VGLL4: variants seen among roughly 807,000 people sequenced by gnomAD.
The protein encoded by VGLL4 is transcription cofactor vestigial-like protein 4.
Under a neutral mutation model 21.0 loss-of-function variants are expected in VGLL4, and 7 were observed. That is an observed-to-expected ratio of 0.33 (90% CI 0.19 to 0.63). VGLL4 has a LOEUF of 0.63. Among genes scored for constraint, VGLL4 ranks in the 20% least tolerant of loss-of-function variants. The pLI is 0.78. For synonymous variants in VGLL4, 222 were observed against 173.2 expected (o/e 1.28, Z -2.21); for missense variants, 394 against 425.7 (o/e 0.93, Z 0.66).
intron 1 of VGLL4, 58 bp from the exon 2 acceptor site, chr3:11,602,080 C>T (rs2125267500): frequency 3.5e-6 from 5 of 1,419,864 alleles, no homozygotes; most frequent in Non-Finnish European, 4.6e-6. Context: ...ATCTCAGTCC[C>T]CCAGGCTCCC....
At chr3:11,671,107 C>T (rs1438751160) in intron 2 of VGLL4, among the ~76,000 whole-genome samples, 1 of 152,192 alleles carries the variant, frequency 6.6e-6, no homozygotes, top group African/African-American at 2.4e-5. Flanking sequence ...CTTAAGACCA[C>T]AGTCAGGACT....
At chr3:11,613,798 T>C (rs1475539655) in intron 1 of VGLL4, among the ~76,000 whole-genome samples, 2 of 152,212 alleles carry the variant, frequency 1.3e-5, no homozygotes, top group African/African-American at 4.8e-5. Context: ...TTGGATTCCA[T>C]CTGTTGGTGC....
chr3:11,628,121 G>C (rs1037761220), intron 1 of VGLL4, among the ~76,000 whole-genome samples: 3 of 152,160 alleles, frequency 2.0e-5, no homozygotes, highest in Non-Finnish European at 2.9e-5. Flanking sequence ...CAGCATGGTG[G>C]CTCATGCCTA....
At chr3:11,596,273 A>G (rs1252286620) in intron 2 of VGLL4, among the ~76,000 whole-genome samples, 1 of 152,248 alleles carries the variant, frequency 6.6e-6, no homozygotes, top group Non-Finnish European at 1.5e-5. Context: ...ACCTAACAAT[A>G]TATTTCAAAT....
At chr3:11,595,241 A>G (rs2074607877) in intron 2 of VGLL4, among the ~76,000 whole-genome samples, 1 of 152,262 alleles carries the variant, frequency 6.6e-6, no homozygotes, top group African/African-American at 2.4e-5. Context: ...CACATGTAAG[A>G]AAGAAGGGGA....
At chr3:11,577,785 A>C (rs116769632) in intron 2 of VGLL4, among the ~76,000 whole-genome samples, 2,908 of 152,172 alleles carry the variant, frequency 0.019, 95 homozygotes, top group African/African-American at 0.066. Flanking sequence ...TAATGAATGA[A>C]CTCTGCCTTC....
Position 11,604,314 on chromosome 3 carries a change from C to T in VGLL4, c.83-2292G>A, listed in dbSNP as rs570431945. 2.6e-5 allele frequency: 23 copies of T among 879,496 alleles called. 4 individuals carry two copies. The African/African-American group carries it at 3.6e-4, about 14-fold the overall frequency. 54.5% of individuals were successfully genotyped at this position (879,496 alleles called of 1,614,324 possible). On this transcript the variant is annotated intron_variant, in intron 1 of 4. Coordinates refer to ENST00000430365, the MANE Select transcript of VGLL4 (RefSeq NM_001128219.3). The stretch of plus-strand genomic sequence containing the variant: ...GACGAAGCTGTGCCCCAAAACATAG[C>T]GTGACTTACCCAAGATCCTCCAGTT...
chr3:11,632,874 G>A (rs982177326), intron 1 of VGLL4, among the ~76,000 whole-genome samples: 1 of 152,156 alleles, frequency 6.6e-6, no homozygotes, highest in African/African-American at 2.4e-5. Flanking sequence ...CACATAATGG[G>A]TATTAAATAT....
chr3:11,570,946 A>T (rs2073750461), intron 2 of VGLL4, among the ~76,000 whole-genome samples: 2 of 152,142 alleles, frequency 1.3e-5, no homozygotes. Context: ...TGTCCCCAAG[A>T]CATCCTGGTC....
chr3:11,688,790 G>A (rs913201258), intron 2 of VGLL4, among the ~76,000 whole-genome samples: 4 of 152,084 alleles, frequency 2.6e-5, no homozygotes, highest in Admixed American at 1.3e-4. Context: ...AGGCCGAGGC[G>A]GGTGGATCAC....
chr3:11,628,054 A>C (rs115265387), intron 1 of VGLL4, among the ~76,000 whole-genome samples: 1,554 of 152,252 alleles, frequency 0.01, 27 homozygotes, highest in African/African-American at 0.035. Context: ...GAATACAAGA[A>C]CTACACTGAC....
At chr3:11,660,161 CAAA>C (rs527661591) in intron 2 of VGLL4, among the ~76,000 whole-genome samples, 1 of 116,644 alleles carries the variant, frequency 8.6e-6, no homozygotes, top group Non-Finnish European at 1.9e-5. Context: ...GACTCCATCT[CAAA>C]AAAAAAAAAA....
chr3:11,573,316 GAAGAAAGA>G (rs1286422799), intron 2 of VGLL4, among the ~76,000 whole-genome samples: 613 of 20,626 alleles, frequency 0.03, 11 homozygotes, highest in Non-Finnish European at 0.03. Flanking sequence ...AGGAAGGAAG[GAAGAAAGA>G]AAGAAAGAAA....
chr3:11,631,993 T>C (rs2075488150), intron 1 of VGLL4, among the ~76,000 whole-genome samples: 1 of 152,170 alleles, frequency 6.6e-6, no homozygotes. Flanking sequence ...TTTCAGAACA[T>C]ACAACTAATC....
intron 2 of VGLL4, among the ~76,000 whole-genome samples, chr3:11,589,850 A>G (rs951338610): frequency 6.6e-6 from 1 of 152,200 alleles, no homozygotes; most frequent in Non-Finnish European, 1.5e-5. Flanking sequence ...AACAGACCAG[A>G]GCCTGCCCTC....
intron 3 of VGLL4, among the ~76,000 whole-genome samples, chr3:11,560,986 G>T (rs1186876725): frequency 6.6e-6 from 1 of 152,058 alleles, no homozygotes; most frequent in African/African-American, 2.4e-5. Context: ...CAGGGGTCAA[G>T]CAGCAGCAAG....
In VGLL4 at chr3:11,664,122, C is replaced by G. The variant is rs951661909; in HGVS notation, c.64+38849G>C. Among the ~76,000 whole-genome samples, 20 of 152,218 alleles carry G rather than the reference C, an allele frequency of 1.3e-4. No homozygotes were observed. In the South Asian group the frequency reaches 1.5e-3, roughly 11 times the overall value. On this transcript the variant is annotated intron_variant, in intron 2 of 5. Transcript: ENST00000273038. ...GCATGCTGGTGCACACCTATAATTC[C>G]AGCTACTTGGGAGGCTGAGGCAGGA...
chr3:11,611,198 A>T (rs540784732), intron 1 of VGLL4, among the ~76,000 whole-genome samples: 1 of 152,270 alleles, frequency 6.6e-6, no homozygotes, highest in Non-Finnish European at 1.5e-5. Context: ...TGGAATTAAC[A>T]CGTTAAAGTC....
chr3:11,593,537 C>T (rs913170613), intron 2 of VGLL4, among the ~76,000 whole-genome samples: 5 of 151,914 alleles, frequency 3.3e-5, no homozygotes, highest in Non-Finnish European at 5.9e-5. Flanking sequence ...CTATTCACCC[C>T]TATGGTGAGA....
Sources: allele counts gnomAD v4.1 joint callset (sites outside exome capture counted in the v4.1 genomes callset), GRCh38; gene constraint gnomAD v4.1.1; transcripts MANE v1.5; gene names NCBI Gene and HGNC (gene_info 2026-07-23, HGNC 2026-07-21).